Variants in SYCP2 observed in about 807,000 individuals in gnomAD.
The protein encoded by SYCP2 is synaptonemal complex protein 2.
Under a neutral mutation model 211.3 loss-of-function variants are expected in SYCP2, and 55 were observed. The ratio of observed to expected loss-of-function variants is 0.26; its 90% CI spans 0.21 to 0.33. The LOEUF (loss-of-function observed/expected upper bound fraction) is 0.33, where lower values mean the gene tolerates loss of function less well. Among genes scored for constraint, SYCP2 ranks in the 10% least tolerant of loss-of-function variants. The probability of loss-of-function intolerance (pLI) is 1.00; values close to 1 mark genes in which losing one functional copy is unlikely to be tolerated. For missense variants in SYCP2, 1,731 were observed against 1,752.0 expected (o/e 0.99, Z 0.21); for synonymous variants, 570 against 555.2 (o/e 1.03, Z -0.37).
intron 12 of SYCP2, 104 bp from the exon 13 acceptor site, chr20:59,912,522 G>A (rs975792347): frequency 5.6e-5 from 26 of 461,404 alleles, no homozygotes; most frequent in Non-Finnish European, 1.0e-4. Flanking sequence ...TCAGGCAGTG[G>A]TCATAATAAT....
chr20:59,922,485 G>A (rs928996258), intron 2 of SYCP2, 26 bp from the exon 3 acceptor site: 15 of 1,129,410 alleles, frequency 1.3e-5, no homozygotes, highest in Non-Finnish European at 1.9e-5. Flanking sequence ...TATATTTTCT[G>A]TATCTCACAA....
At position 59,892,254 on chromosome 20, in the gene SYCP2, A is replaced by C. The variant is rs749009999; in HGVS notation, c.2100T>G (p.Pro700=). 6.2e-7 allele frequency: 1 copy of C among 1,612,728 alleles called. No individual in the cohort carries two copies. Among genetic ancestry groups the C allele is most frequent in the African/African-American group, 1.3e-5 (1 of 74,826 alleles). The part of the protein sequence containing the change: ...CKKHNQQQNH[P]KYSGQKNTEN... ...CAGTATTTTTCTGCCCTGAATATTT[A>C]GGATGATTTTGTTGCTGATTGTGTT... Residue 700 remains proline (P), a synonymous_variant, in exon 24 of 45, where the codon CCT becomes CCG. Transcript: ENST00000357552.
At position 59,930,772 on chromosome 20, in the gene SYCP2, T is replaced by A. The variant is rs192924003; in HGVS notation, c.-47+1290A>T. Among the ~76,000 whole-genome samples the A allele has an allele frequency of 3.5e-3, 529 of 152,274 alleles. 7 individuals carry two copies. The highest frequency in any genetic ancestry group is 0.011 in the African/African-American group (470 of 41,556). On this transcript the variant is annotated intron_variant, in intron 2 of 44. Transcript: ENST00000357552. The stretch of plus-strand genomic sequence containing the variant: ...ATAAGCAATTCCGGTGTTATTAAAA[T>A]TTTTTAAGGAAACAATTACAATTCT...
intron 24 of SYCP2, among the ~76,000 whole-genome samples, chr20:59,887,640 C>T (rs2059818803): frequency 6.6e-6 from 1 of 151,974 alleles, no homozygotes; most frequent in Admixed American, 6.6e-5. Flanking sequence ...CCTATTTCTC[C>T]ACATCCTCTC....
Position 59,896,444 on chromosome 20 carries a change from G to T in SYCP2, c.1489C>A (p.Leu497Ile). The T allele has an allele frequency of 6.3e-7, 1 of 1,583,440 alleles. No homozygotes were observed. ...TAAAACTTACATGTGTTGCTGAAAA[G>T]CACTGGACTTCTCATAGTGTATCTA... ...ADRYTMRSPV[L>I]FSNTSIPPRR... is the part of the protein sequence containing the mutation. Residue 497 changes from leucine (L) to isoleucine (I), a missense_variant, in exon 19 of 45, where the codon CTT becomes ATT. Physicochemically the swap from Leu to Ile is conservative, Grantham distance 5 (BLOSUM62 2). Transcript: ENST00000357552.
At chr20:59,922,328 A>G (rs2060556470) in intron 3 of SYCP2, 62 bp downstream of exon 3, 9 of 1,466,792 alleles carry the variant, frequency 6.1e-6, no homozygotes, top group Non-Finnish European at 6.5e-6. Flanking sequence ...CTGAATACCT[A>G]TAAGTAAACA....
chr20:59,896,014 G>T (rs1048692861), intron 19 of SYCP2, among the ~76,000 whole-genome samples: 1 of 152,080 alleles, frequency 6.6e-6, no homozygotes, highest in Admixed American at 6.5e-5. Context: ...TTAAATGAGT[G>T]ATTTTTATTT....
At chr20:59,899,751 G>A (rs1350349720) in intron 18 of SYCP2, among the ~76,000 whole-genome samples, 1 of 151,824 alleles carries the variant, frequency 6.6e-6, no homozygotes, top group African/African-American at 2.4e-5. Flanking sequence ...GTCCTTCAAT[G>A]GAAAAGAAAA....
chr20:59,906,820 A>T (rs960065338), intron 15 of SYCP2, among the ~76,000 whole-genome samples: 1 of 152,164 alleles, frequency 6.6e-6, no homozygotes, highest in Non-Finnish European at 1.5e-5. Flanking sequence ...TAGATAGTCC[A>T]ATAAAAAATG....
chr20:59,867,525 A>T (rs560134988), intron 39 of SYCP2, among the ~76,000 whole-genome samples, 186 bp downstream of exon 39: 1 of 151,924 alleles, frequency 6.6e-6, no homozygotes, highest in Non-Finnish European at 1.5e-5. Flanking sequence ...AAAGAGAAAA[A>T]AGTAGTAGCA....
intron 36 of SYCP2, 58 bp downstream of exon 36, chr20:59,869,740 G>T: frequency 3.1e-6 from 3 of 958,950 alleles, no homozygotes; most frequent in Non-Finnish European, 4.7e-6. Context: ...AGTAATCTGA[G>T]TCTTATAAGA....
intron 12 of SYCP2, among the ~76,000 whole-genome samples, chr20:59,913,648 TTAAA>T (rs1267301143): frequency 6.6e-6 from 1 of 152,048 alleles, no homozygotes; most frequent in African/African-American, 2.4e-5. Context: ...CCCTCAAACA[TTAAA>T]TAATAATGGA....
chr20:59,896,632 T>C (rs192503874), intron 18 of SYCP2, 104 bp from the exon 19 acceptor site: 13 of 592,468 alleles, frequency 2.2e-5, no homozygotes, highest in African/African-American at 1.7e-4. Flanking sequence ...GCCAAAGATA[T>C]ATGTTTTTTA....
At chr20:59,881,693 G>A (rs2059685405) in intron 28 of SYCP2, among the ~76,000 whole-genome samples, 3 of 146,818 alleles carry the variant, frequency 2.0e-5, no homozygotes, top group Admixed American at 2.0e-4. Flanking sequence ...TAAGAAAGGT[G>A]ATTTTCTTGG....
chr20:59,902,827 TAA>T lies in SYCP2; in HGVS notation c.1034-1019_1034-1018del, dbSNP rs561535532. On this transcript the variant is annotated intron_variant, in intron 15 of 44. Coordinates refer to ENST00000357552, the MANE Select transcript of SYCP2 (RefSeq NM_014258.4). The stretch of plus-strand genomic sequence containing the variant: ...AACTCAAAGAGCGCTAGTAGTTTTT[TAA>T]AAGTTAAACAGTGACAAGTTTTCAG... Among the ~76,000 whole-genome samples the T allele has an allele frequency of 2.6e-5, 4 of 152,290 alleles. No homozygotes were observed. The South Asian group carries it at 6.2e-4, about 24-fold the overall frequency.
At chr20:59,912,288 G>T in intron 13 of SYCP2, 85 bp downstream of exon 13, 2 of 599,770 alleles carry the variant, frequency 3.3e-6, no homozygotes, top group East Asian at 3.6e-5. Flanking sequence ...TATTTTTAGT[G>T]TTCTTATTCA....
intron 12 of SYCP2, among the ~76,000 whole-genome samples, 182 bp from the exon 13 acceptor site, chr20:59,912,600 G>GA: frequency 6.6e-6 from 1 of 152,246 alleles, no homozygotes; most frequent in Non-Finnish European, 1.5e-5. Flanking sequence ...TTTATGTAGA[G>GA]AAAATCATAT....
rs1224030536 is a variant in SYCP2, at chr20:59,893,389, C to T, written c.1735+135G>A. ...ATATTTCCTTGTAACCTCAAAAATT[C>T]CTTGCACAAAGTCAAACAAATTCTT... On this transcript the variant is annotated intron_variant, in intron 21 of 44. Transcript: ENST00000357552. 1.3e-5 allele frequency: 10 copies of T among 788,238 alleles called. No individual in the cohort carries two copies. In the East Asian group the frequency reaches 2.7e-4, roughly 21 times the overall value. The allele number at this position is 788,238 out of a possible 1,614,324, so 48.8% of individuals were successfully genotyped here.
Position 59,892,000 on chromosome 20 carries a change from T to G in SYCP2, c.2354A>C (p.Gln785Pro), listed in dbSNP as rs1424410014. Residue 785 changes from glutamine (Q) to proline (P), a missense_variant, in exon 24 of 45, where the codon CAA (glutamine) becomes CCA (proline). Transcript: ENST00000357552. The stretch of plus-strand genomic sequence containing the variant: ...ACATTGAAAGCTCACCATTTTTTTT[T>G]GTTTCGAATCCCAGGAATTAAGCTC... ...TSELNSWDSK[Q>P]KKMREKSKGK... 1.3e-6 allele frequency: 2 copies of G among 1,580,844 alleles called. No individual in the cohort carries two copies. Among genetic ancestry groups the G allele is most frequent in the Non-Finnish European group, 1.7e-6 (2 of 1,167,962 alleles).
Sources: allele counts gnomAD v4.1 joint callset (sites outside exome capture counted in the v4.1 genomes callset), GRCh38; gene constraint gnomAD v4.1.1; transcripts MANE v1.5; gene names NCBI Gene and HGNC (gene_info 2026-07-23, HGNC 2026-07-21).